IFT81: variants seen among roughly 807,000 people sequenced by gnomAD.
The protein encoded by IFT81 is intraflagellar transport protein 81 homolog.
In IFT81, 72 loss-of-function variants were observed where a neutral mutation model predicts 102.6. The ratio of observed to expected loss-of-function variants is 0.70; its 90% CI spans 0.58 to 0.85. The LOEUF (loss-of-function observed/expected upper bound fraction) is 0.85, where lower values mean the gene tolerates loss of function less well. Ranked by LOEUF, IFT81 falls within the 40% of genes least tolerant of loss-of-function variation. IFT81 has a pLI of 0.00. For missense variants in IFT81, 723 were observed against 787.3 expected (o/e 0.92, Z 0.98); for synonymous variants, 237 against 242.7 (o/e 0.98, Z 0.22).
intron 1 of IFT81, among the ~76,000 whole-genome samples, chr12:110,126,829 C>A (rs1893872724): frequency 6.6e-6 from 1 of 152,186 alleles, no homozygotes; most frequent in African/African-American, 2.4e-5. Context: ...AAGAAGGGTA[C>A]TTGAAGTGTG....
At chr12:110,191,462 C>T (rs1229097654) in intron 13 of IFT81, among the ~76,000 whole-genome samples, 1 of 152,060 alleles carries the variant, frequency 6.6e-6, no homozygotes, top group Non-Finnish European at 1.5e-5. Flanking sequence ...TGAGCCACTA[C>T]ACCCGGTCTC....
chr12:110,210,867 T>C (rs1869316563), intron 18 of IFT81, among the ~76,000 whole-genome samples: 2 of 151,534 alleles, frequency 1.3e-5, no homozygotes, highest in African/African-American at 2.4e-5. Context: ...CCTTTTTTTT[T>C]CGAGACAGAG....
At chr12:110,156,871 A>G (rs1179224333) in intron 10 of IFT81, among the ~76,000 whole-genome samples, 1 of 152,048 alleles carries the variant, frequency 6.6e-6, no homozygotes, top group Non-Finnish European at 1.5e-5. Context: ...TAGCATCTTG[A>G]TATATTATCC....
chr12:110,166,652 G>A (rs751698292), intron 11 of IFT81, among the ~76,000 whole-genome samples: 3 of 151,570 alleles, frequency 2.0e-5, no homozygotes, highest in African/African-American at 7.3e-5. Context: ...TACACAGTTA[G>A]CATGTAAGAG....
Position 110,180,523 on chromosome 12 carries a change from G to A in IFT81, c.1290G>A (p.Arg430=). The A allele has an allele frequency of 6.2e-7, 1 of 1,609,566 alleles. No homozygotes were observed. The change falls in exon 12 of 19, where the codon AGG becomes AGA. Residue 430 remains arginine (R), a synonymous_variant. Transcript: ENST00000242591. The part of the protein sequence containing the change: ...ELKAEFGLLQ[R]TEELLKQRHE... Reference sequence around the variant, plus strand: ...AAGCTGAATTCGGTCTTTTGCAGAGGACTGAAGAACTTCTTAAGCAACGTC... The same window carrying A: ...AAGCTGAATTCGGTCTTTTGCAGAGAACTGAAGAACTTCTTAAGCAACGTC...
At chr12:110,178,318 G>A (rs1310473309) in intron 11 of IFT81, among the ~76,000 whole-genome samples, 1 of 151,538 alleles carries the variant, frequency 6.6e-6, no homozygotes, top group Admixed American at 6.6e-5. Context: ...GGAGGCTGAG[G>A]CAGGAGATTT....
chr12:110,170,147 G>A (rs1451859500), intron 11 of IFT81, among the ~76,000 whole-genome samples: 1 of 151,860 alleles, frequency 6.6e-6, no homozygotes, highest in African/African-American at 2.4e-5. Flanking sequence ...TAGAGATGGG[G>A]TTTCACCATG....
chr12:110,178,066 G>T (rs1372982019), intron 11 of IFT81, among the ~76,000 whole-genome samples: 2 of 151,466 alleles, frequency 1.3e-5, no homozygotes, highest in African/African-American at 2.4e-5. Flanking sequence ...CTGTACTCCA[G>T]CCTAGGTGAC....
chr12:110,184,559 T>C (rs1897441094), intron 12 of IFT81, among the ~76,000 whole-genome samples: 1 of 152,066 alleles, frequency 6.6e-6, no homozygotes, highest in Non-Finnish European at 1.5e-5. Context: ...TGGGATTACA[T>C]GTACAAAAGA....
At position 110,179,773 on chromosome 12, in the gene IFT81, T is replaced by TATACATAC; in HGVS notation, c.1189-648_1189-647insTACATACA. On this transcript the variant is annotated intron_variant, in intron 11 of 18. Coordinates refer to ENST00000242591, the MANE Select transcript of IFT81 (RefSeq NM_014055.4). ...ATATATATATATATATATATATATA[T>TATACATAC]ACACACACACACACACACACACACA... Among the ~76,000 whole-genome samples, 4 of 50,484 alleles carry TATACATAC rather than the reference T, an allele frequency of 7.9e-5. 1 individual carries two copies. The highest frequency in any genetic ancestry group is 3.5e-3 in the East Asian group (2 of 566). The allele number at this position is 50,484 out of a possible 152,430, so 33.1% of individuals were successfully genotyped here.
At chr12:110,199,895 G>T (rs1392520049) in intron 14 of IFT81, among the ~76,000 whole-genome samples, 1 of 152,100 alleles carries the variant, frequency 6.6e-6, no homozygotes, top group Non-Finnish European at 1.5e-5. Context: ...TTACTCACAG[G>T]TTCACAAGTT....
intron 5 of IFT81, among the ~76,000 whole-genome samples, chr12:110,134,684 T>G (rs543773189): frequency 3.9e-4 from 59 of 152,334 alleles, no homozygotes; most frequent in African/African-American, 1.3e-3. Flanking sequence ...AACACAAATG[T>G]GCTGGTTGGC....
At chr12:110,173,817 A>G (rs529153153) in intron 11 of IFT81, among the ~76,000 whole-genome samples, 10 of 152,076 alleles carry the variant, frequency 6.6e-5, no homozygotes, top group Non-Finnish European at 1.3e-4. Context: ...ACCCAGGGAC[A>G]CAAACACTGC....
intron 10 of IFT81, among the ~76,000 whole-genome samples, chr12:110,157,750 T>G (rs1895921394): frequency 6.6e-6 from 1 of 152,214 alleles, no homozygotes; most frequent in Non-Finnish European, 1.5e-5. Flanking sequence ...GACTTGATAA[T>G]TTCTATTGTC....
At chr12:110,172,392 C>T (rs1029178909) in intron 11 of IFT81, among the ~76,000 whole-genome samples, 7 of 140,622 alleles carry the variant, frequency 5.0e-5, no homozygotes, top group Admixed American at 4.1e-4. Flanking sequence ...CCTCTCCCCA[C>T]GGTCTCCCTC....
At chr12:110,193,697 T>G (rs1176631039) in intron 14 of IFT81, among the ~76,000 whole-genome samples, 1 of 152,226 alleles carries the variant, frequency 6.6e-6, no homozygotes, top group Non-Finnish European at 1.5e-5. Flanking sequence ...TAAAAATACG[T>G]AACTTACTTT....
chr12:110,207,823 C>G (rs1355052180), intron 17 of IFT81, among the ~76,000 whole-genome samples: 1 of 151,962 alleles, frequency 6.6e-6, no homozygotes, highest in African/African-American at 2.4e-5. Flanking sequence ...CCAGCCCCAG[C>G]CTTCAGTCTT....
intron 11 of IFT81, chr12:110,167,892 C>T (rs2137460448): frequency 7.9e-6 from 2 of 254,392 alleles, no homozygotes; most frequent in East Asian, 1.4e-4. Context: ...CACTCTGTCA[C>T]CCAGGCTGGA....
intron 12 of IFT81, among the ~76,000 whole-genome samples, chr12:110,190,310 C>G (rs1179913048): frequency 6.6e-6 from 1 of 152,176 alleles, no homozygotes; most frequent in East Asian, 1.9e-4. Flanking sequence ...TTGAACTGGT[C>G]AAGTTTGCTC....
Sources: gnomAD v4.1 joint callset for allele counts (sites outside exome capture counted in the v4.1 genomes callset) on GRCh38, gnomAD v4.1.1 for gene constraint, MANE v1.5 for transcripts, NCBI Gene and HGNC (gene_info 2026-07-23, HGNC 2026-07-21) for gene names.